The following CAMTA1 variants were observed in gnomAD, a reference collection of about 807,000 sequenced individuals.
CAMTA1 encodes calmodulin-binding transcription activator 1.
A neutral mutation model predicts 170.9 loss-of-function variants in CAMTA1; 27 were observed. That is an observed-to-expected ratio of 0.16 (90% confidence interval 0.12 to 0.22). CAMTA1 has a LOEUF of 0.22. CAMTA1 is among the 10% of genes least tolerant of loss of function. CAMTA1 has a pLI of 1.00. For missense variants in CAMTA1, 1,619 were observed against 2,217.2 expected (o/e 0.73, Z 5.42); for synonymous variants, 833 against 891.5 (o/e 0.93, Z 1.17).
At chr1:7,486,081 G>A (rs745724299) in intron 6 of CAMTA1, among the ~76,000 whole-genome samples, 1 of 152,236 alleles carries the variant, frequency 6.6e-6, no homozygotes, top group Non-Finnish European at 1.5e-5. Context: ...TGCTGTTTGA[G>A]ATGATGATTG....
chr1:6,897,766 A>G (rs1675964202), intron 3 of CAMTA1, among the ~76,000 whole-genome samples: 2 of 152,240 alleles, frequency 1.3e-5, no homozygotes, highest in African/African-American at 4.8e-5. Context: ...TGGGATTGGC[A>G]CTTCTAGATG....
chr1:7,480,199 GTGTGTGAGTGCA>G (rs1382183750), intron 6 of CAMTA1, among the ~76,000 whole-genome samples: 5 of 95,094 alleles, frequency 5.3e-5, no homozygotes, highest in South Asian at 7.1e-4. Flanking sequence ...GTGTGTGCAT[GTGTGTGAGTGCA>G]TGTGTGTACG....
intron 1 of CAMTA1, among the ~76,000 whole-genome samples, chr1:6,812,311 G>A (rs534156924): frequency 2.0e-5 from 3 of 152,298 alleles, no homozygotes; most frequent in South Asian, 4.1e-4. Flanking sequence ...TGTTACCCAT[G>A]TCTTGGTGTC....
At chr1:6,850,415 C>G (rs1302581794) in intron 3 of CAMTA1, among the ~76,000 whole-genome samples, 2 of 152,124 alleles carry the variant, frequency 1.3e-5, no homozygotes, top group Non-Finnish European at 2.9e-5. Context: ...TTGAAGATGT[C>G]TTTATCTTCC....
intron 1 of CAMTA1, among the ~76,000 whole-genome samples, chr1:6,800,437 T>G (rs1449802556): frequency 6.6e-6 from 1 of 151,936 alleles, no homozygotes; most frequent in East Asian, 1.9e-4. Flanking sequence ...AAATTTAAAT[T>G]TATTAAAAAA....
chr1:7,551,371 T>C (rs893954884), intron 6 of CAMTA1, among the ~76,000 whole-genome samples: 1 of 148,816 alleles, frequency 6.7e-6, no homozygotes, highest in African/African-American at 2.5e-5. Context: ...TGCATGTGTG[T>C]GCACACACAC....
chr1:7,184,429 C>T (rs1296132728), intron 4 of CAMTA1, among the ~76,000 whole-genome samples: 1 of 152,062 alleles, frequency 6.6e-6, no homozygotes, highest in Non-Finnish European at 1.5e-5. Flanking sequence ...CACCATTTAT[C>T]CTGATGTGAT....
intron 3 of CAMTA1, among the ~76,000 whole-genome samples, chr1:6,980,719 C>T (rs1441603603): frequency 6.6e-6 from 1 of 152,140 alleles, no homozygotes; most frequent in African/African-American, 2.4e-5. Context: ...CCCCTGCACA[C>T]ACACTCCTTT....
intron 11 of CAMTA1, among the ~76,000 whole-genome samples, chr1:7,719,143 G>A (rs1364413186): frequency 6.6e-6 from 1 of 152,140 alleles, no homozygotes; most frequent in Non-Finnish European, 1.5e-5. Context: ...ATTAGCTGCA[G>A]TTTTACTACC....
chr1:7,657,440 C>T (rs1324191390), intron 7 of CAMTA1, among the ~76,000 whole-genome samples: 1 of 152,184 alleles, frequency 6.6e-6, no homozygotes, highest in Non-Finnish European at 1.5e-5. Context: ...AGGACATTAC[C>T]TTTCTGGGAA....
rs200083944 is a variant in CAMTA1 at position 7,663,691 on chromosome 1, T to G, written c.1144T>G (p.Ser382Ala). The change falls in exon 9 of 23, where the codon TCC becomes GCC. Residue 382 changes from serine (S) to alanine (A), a missense_variant. Physicochemically the swap from Ser to Ala is moderately conservative, Grantham distance 99 (BLOSUM62 1). This residue lies in a region of CAMTA1 where 731 missense variants were observed against 907.6 expected (regional missense o/e 0.81). Transcript: ENST00000303635. ...GGACAGCCCGGTGGTCACAGGTGTG[T>G]CCGGTATGGCGGTGGCCTCTGTGAT... ...MVDSPVVTGV[S>A]GMAVASVMGS... The G allele has an allele frequency of 7.2e-5, 116 of 1,614,002 alleles. No individual in the cohort carries two copies. The highest frequency in any genetic ancestry group is 6.2e-5 in the Non-Finnish European group (73 of 1,180,022).
At position 7,751,500 on chromosome 1, in the gene CAMTA1, C is replaced by G; in HGVS notation, c.4883+108C>G. On this transcript the variant is annotated intron_variant, in intron 20 of 22. Transcript: ENST00000303635. ...ATTGGAGTCTGGGGTGGGCCTAAAG[C>G]ATTGGCAGTCACTGTGTTCCAGAAC... 3.5e-6 allele frequency: 3 copies of G among 868,792 alleles called. No homozygotes were observed. In the South Asian group the frequency reaches 6.3e-5, roughly 18 times the overall value. 53.8% of individuals were successfully genotyped at this position (868,792 alleles called of 1,614,324 possible).
chr1:7,290,587 C>A (rs574394548), intron 5 of CAMTA1, among the ~76,000 whole-genome samples: 15 of 152,260 alleles, frequency 9.9e-5, no homozygotes, highest in Admixed American at 2.6e-4. Context: ...CCCCCATGCA[C>A]GTATTGCTTT....
chr1:7,166,332 C>T (rs569378808), intron 4 of CAMTA1, among the ~76,000 whole-genome samples: 5 of 152,326 alleles, frequency 3.3e-5, no homozygotes, highest in African/African-American at 1.2e-4. Context: ...TCCCAAAGTG[C>T]TGGGATTACA....
intron 3 of CAMTA1, among the ~76,000 whole-genome samples, chr1:6,914,378 A>G (rs889986459): frequency 6.6e-6 from 1 of 152,228 alleles, no homozygotes; most frequent in Non-Finnish European, 1.5e-5. Context: ...CTGGGATTAC[A>G]GGCGTGAACC....
At chr1:7,492,170 G>GC (rs2093712631) in intron 6 of CAMTA1, among the ~76,000 whole-genome samples, 1 of 152,174 alleles carries the variant, frequency 6.6e-6, no homozygotes, top group Admixed American at 6.5e-5. Context: ...GTCCTCCTTG[G>GC]TAGAGCGTCT....
chr1:7,145,147 T>C (rs754116331), intron 4 of CAMTA1, among the ~76,000 whole-genome samples: 22 of 152,172 alleles, frequency 1.4e-4, no homozygotes, highest in Admixed American at 4.6e-4. Flanking sequence ...CTCAAAGCCA[T>C]CATGGATCTC....
At position 7,565,020 on chromosome 1, in the gene CAMTA1, T is replaced by G. The variant is rs2095021313; in HGVS notation, c.511-75380T>G. On this transcript the variant is annotated intron_variant, in intron 6 of 22. Coordinates refer to ENST00000303635, the MANE Select transcript of CAMTA1 (RefSeq NM_015215.4). This position sits in a 1 kb window ranked among gnomAD's most constrained non-coding sequence, Gnocchi z 4.5. ...CAGGGTGACAACCACGAGATCAAGG[T>G]GGATGGGGGGTGGGAGCAGAAGGGC... Among the ~76,000 whole-genome samples, 5 of 141,594 alleles carry G rather than the reference T, an allele frequency of 3.5e-5. No individual in the cohort carries two copies. Among genetic ancestry groups the G allele is most frequent in the East Asian group, 2.1e-4 (1 of 4,658 alleles). The allele number at this position is 141,594 out of a possible 152,430, so 92.9% of individuals were successfully genotyped here. A position where few individuals can be genotyped will look rare whatever the true frequency, so the allele number is the denominator to read the frequency against.
At chr1:7,013,422 A>G (rs1161203549) in intron 3 of CAMTA1, among the ~76,000 whole-genome samples, 3 of 151,996 alleles carry the variant, frequency 2.0e-5, no homozygotes, top group Non-Finnish European at 4.4e-5. Flanking sequence ...CATGTTGACC[A>G]GGCTGGTCTT....
Sources: gnomAD v4.1 joint callset for allele counts (sites outside exome capture counted in the v4.1 genomes callset) on GRCh38, gnomAD v4.1.1 for gene constraint, gnomAD v4.1.1 regional missense constraint, Gnocchi (gnomAD v3.1) non-coding constraint, MANE v1.5 for transcripts, NCBI Gene and HGNC (gene_info 2026-07-23, HGNC 2026-07-21) for gene names.